The following TTN variants were observed in gnomAD, a reference collection of about 807,000 sequenced individuals.
TTN encodes the protein connectin.
Under a neutral mutation model 3,223.0 loss-of-function variants are expected in TTN, and 1,525 were observed. The observed-to-expected ratio is 0.47, with a 90% CI of 0.45 to 0.49. TTN has a LOEUF of 0.49. Among genes scored for constraint, TTN ranks in the 20% least tolerant of loss-of-function variants. The pLI is 0.00. For synonymous variants in TTN, 14,094 were observed against 15,161.0 expected, an observed-to-expected ratio of 0.93 and a Z score of 5.17; for missense variants, 40,786 against 43,424.0, an observed-to-expected ratio of 0.94 and a Z score of 5.40.
rs751581732 is a variant in TTN at position 178,528,695 on chromosome 2, C to T, written c.107056G>A (p.Val35686Ile). 3.6e-5 allele frequency: 58 copies of T among 1,613,320 alleles called. No homozygotes were observed. Among genetic ancestry groups the T allele is most frequent in the East Asian group, 1.3e-4 (6 of 44,878 alleles). ...AGTGTCAAATCATACTGACACTTGA[C>T]GATTCCTTCCTTGGTTTTGCTTATG... ...TCISKTKEGI[V>I]KCQYDLTLSK... The change falls in exon 360 of 363, where the codon GTC becomes ATC. Residue 35686 changes from valine (V) to isoleucine (I), a missense_variant. Coordinates refer to ENST00000589042, the MANE Select transcript of TTN (RefSeq NM_001267550.2).
rs148072021 is a variant in TTN at position 178,724,116 on chromosome 2, C to T, written c.21143G>A (p.Arg7048Gln). The T allele has an allele frequency of 6.2e-6, 10 of 1,612,170 alleles. No homozygotes were observed. The highest frequency in any genetic ancestry group is 1.7e-4 in the Middle Eastern group (1 of 6,048). Residue 7048 changes from arginine to glutamine, a missense_variant, in exon 73 of 363, where the codon CGA (arginine) becomes CAA (glutamine). Arg to Gln is a conservative substitution (Grantham distance 43). Coordinates refer to ENST00000589042, the MANE Select transcript of TTN (RefSeq NM_001267550.2). ...CACCCCACCAGTATTTTTCAGTCTTCGTGTGAAAGAGGGAGGAACTGCTCG... is the reference window on the plus strand; with the variant it reads ...CACCCCACCAGTATTTTTCAGTCTTTGTGTGAAAGAGGGAGGAACTGCTCG... ...SDRAVPPSFTRRLKNTGGVLG... is the reference protein window; with the variant it reads ...SDRAVPPSFTQRLKNTGGVLG...
In TTN at chr2:178,568,272, T is replaced by G. The variant is rs776215265; in HGVS notation, c.77860A>C (p.Lys25954Gln). The G allele has an allele frequency of 6.2e-7, 1 of 1,613,554 alleles. No homozygotes were observed. The highest frequency in any genetic ancestry group is 1.1e-5 in the South Asian group (1 of 91,080). ...TGGTATTCTGTACCAGTTTTCAGTT[T>G]GGTCACTTTGAGTGTAGTTCTAGCA... ...TVARTTLKVT[K>Q]LKTGTEYQFR... The change falls in exon 326 of 363, where the codon AAA becomes CAA. Residue 25954 changes from lysine (K) to glutamine (Q), a missense_variant. By Grantham distance (53) the Lys-to-Gln change is moderately conservative. Coordinates refer to ENST00000589042, the MANE Select transcript of TTN (RefSeq NM_001267550.2).
rs766366983 is a variant in TTN, at chr2:178,607,830, C to T, written c.52957G>A (p.Gly17653Arg). 1 of 1,613,008 alleles carries T rather than the reference C, an allele frequency of 6.2e-7. No individual in the cohort carries two copies. The highest frequency in any genetic ancestry group is 1.1e-5 in the South Asian group (1 of 91,056). The change falls in exon 276 of 363, where the codon GGA becomes AGA. Residue 17653 changes from glycine (G) to arginine (R), a missense_variant. Transcript: ENST00000589042. ...RVSAVNAAGE[G>R]PPGETQPVTV... Reference sequence around the variant, plus strand: ...ACAGGTTGTGTTTCTCCAGGCGGTCCTTCCCCTGCGGCATTGACAGCACTC... The same window carrying T: ...ACAGGTTGTGTTTCTCCAGGCGGTCTTTCCCCTGCGGCATTGACAGCACTC...
In TTN at chr2:178,636,020, T is replaced by C. The variant is rs1346163990; in HGVS notation, c.41551A>G (p.Thr13851Ala). 6.2e-7 allele frequency: 1 copy of C among 1,612,858 alleles called. No individual in the cohort carries two copies. Among genetic ancestry groups the C allele is most frequent in the African/African-American group, 1.3e-5 (1 of 74,882 alleles). Reference protein sequence around the residue: ...DADDTDAGTYTVTVENANNLE... With the variant: ...DADDTDAGTYAVTVENANNLE... ...TTGTTGGCGTTTTCCACAGTAACTG[T>C]GTATGTTCCAGCATCTGTGTCATCT... Residue 13851 changes from threonine (T) to alanine (A), a missense_variant, in exon 226 of 363, where the codon ACA becomes GCA. By Grantham distance (58) the Thr-to-Ala change is moderately conservative. Coordinates refer to ENST00000589042, the MANE Select transcript of TTN (RefSeq NM_001267550.2). This position sits in a 1 kb window ranked among gnomAD's most constrained non-coding sequence, Gnocchi z 4.3.
chr2:178,531,372 T>C lies in TTN; in HGVS notation c.105243A>G (p.Glu35081=). ...TTGTCTCCGTCATCTGTGATTTCACTTCCCTGACAGAAGACGAAGCTTCCA... is the reference window on the plus strand; with the variant it reads ...TTGTCTCCGTCATCTGTGATTTCACCTCCCTGACAGAAGACGAAGCTTCCA... ...SEMEASSSVR[E]VKSQMTETRE... Residue 35081 remains glutamate (E), a synonymous_variant, in exon 358 of 363, where the codon GAA becomes GAG. Transcript: ENST00000589042. 6.2e-7 allele frequency: 1 copy of C among 1,614,048 alleles called. No homozygotes were observed. Among genetic ancestry groups the C allele is most frequent in the African/African-American group, 1.3e-5 (1 of 75,058 alleles).
rs779940754 is a variant in TTN at position 178,616,835 on chromosome 2, G to A, written c.48054C>T (p.Ala16018=). Reference sequence around the variant, plus strand: ...GTTCACTTGGAGAAATGACAAGTTCGGCATAGGCAGACAAGGTCTTCATTT... The same window carrying A: ...GTTCACTTGGAGAAATGACAAGTTCAGCATAGGCAGACAAGGTCTTCATTT... ...RVKMKTLSAY[A]ELVISPSERS... The change falls in exon 256 of 363, where the codon GCC becomes GCT. Residue 16018 remains alanine (A), a synonymous_variant. Coordinates refer to ENST00000589042, the MANE Select transcript of TTN (RefSeq NM_001267550.2). 14 of 1,612,392 alleles carry A rather than the reference G, an allele frequency of 8.7e-6. No individual in the cohort carries two copies. The East Asian group carries it at 1.8e-4, about 21-fold the overall frequency.
rs1356962832 is a variant in TTN at position 178,732,152 on chromosome 2, A to G, written c.16817T>C (p.Val5606Ala). 2.5e-6 allele frequency: 4 copies of G among 1,613,790 alleles called. No individual in the cohort carries two copies. The highest frequency in any genetic ancestry group is 3.4e-6 in the Non-Finnish European group (4 of 1,179,752). ...ATATTCACCACTGTCTTCGATGCCAACATCTGTCAGTCTTAGAACTGCAGT... is the reference window on the plus strand; with the variant it reads ...ATATTCACCACTGTCTTCGATGCCAGCATCTGTCAGTCTTAGAACTGCAGT... ...ESTAVLRLTDVGIEDSGEYMC... is the reference protein window; with the variant it reads ...ESTAVLRLTDAGIEDSGEYMC... Residue 5606 changes from valine to alanine, a missense_variant, in exon 57 of 363, where the codon GTT becomes GCT. Physicochemically the swap from Val to Ala is moderately conservative, Grantham distance 64. Coordinates refer to ENST00000589042, the MANE Select transcript of TTN (RefSeq NM_001267550.2).
rs779274451 is a variant in TTN, at chr2:178,774,432, C to T, written c.6832G>A (p.Val2278Ile). 6.2e-7 allele frequency: 1 copy of T among 1,613,532 alleles called. No homozygotes were observed. The highest frequency in any genetic ancestry group is 1.1e-5 in the South Asian group (1 of 91,076). ...AATTCTCCTGAATATGATTCTGGAA[C>T]TTCTATGTCCTGAAGTTCTTTCACA... is the stretch of plus-strand genomic sequence containing the variant. ...EFVKELQDIE[V>I]PESYSGELEC... The change falls in exon 30 of 363, where the codon GTT (valine) becomes ATT (isoleucine). Residue 2278 changes from valine (V) to isoleucine (I), a missense_variant. By Grantham distance (29) the Val-to-Ile change is conservative (BLOSUM62 3). Transcript: ENST00000589042.
chr2:178,546,621 C>T lies in TTN; in HGVS notation c.94807G>A (p.Val31603Ile). 1 of 1,610,626 alleles carries T rather than the reference C, an allele frequency of 6.2e-7. No homozygotes were observed. Among genetic ancestry groups the T allele is most frequent in the South Asian group, 1.1e-5 (1 of 90,992 alleles). Residue 31603 changes from valine to isoleucine, a missense_variant, in exon 341 of 363, where the codon GTC (valine) becomes ATC (isoleucine). Val to Ile is a conservative substitution (Grantham distance 29). Coordinates refer to ENST00000589042, the MANE Select transcript of TTN (RefSeq NM_001267550.2). ...CTACCGTATTCATCTCGGCAAGTGA[C>T]AGGGCCTGTAGATTCAGACCCTTTG... is the stretch of plus-strand genomic sequence containing the variant. ...ISKGSESTGP[V>I]TCRDEYAPPK... is the part of the protein sequence containing the mutation.
chr2:178,603,350 T>C (rs1416487242), intron 282 of TTN, among the ~76,000 whole-genome samples: 2 of 152,038 alleles, frequency 1.3e-5, no homozygotes, highest in Non-Finnish European at 2.9e-5. Flanking sequence ...ATGGCCACAG[T>C]ATTTTTTAAT....
chr2:178,695,061 G>T (rs1560448221), intron 115 of TTN, among the ~76,000 whole-genome samples, 155 bp from the exon 116 acceptor site: 1 of 150,134 alleles, frequency 6.7e-6, no homozygotes, highest in African/African-American at 2.4e-5. Context: ...GATGAGTTCG[G>T]TTTTTTTTTC....
intron 22 of TTN, among the ~76,000 whole-genome samples, 194 bp from the exon 23 acceptor site, chr2:178,779,656 T>A (rs904674053): frequency 6.6e-6 from 1 of 152,206 alleles, no homozygotes; most frequent in African/African-American, 2.4e-5. Flanking sequence ...GGTAGAAAGG[T>A]ATTCCAAAAG....
At chr2:178,701,633 A>G in intron 109 of TTN, 46 bp from the exon 110 acceptor site, 5 of 1,577,976 alleles carry the variant, frequency 3.2e-6, no homozygotes, top group Non-Finnish European at 4.3e-6. Context: ...AGAACAAGCT[A>G]TTTATTAGAA....
chr2:178,665,650 C>G, intron 164 of TTN, 58 bp downstream of exon 164: 1 of 1,290,112 alleles, frequency 7.8e-7, no homozygotes, highest in South Asian at 1.8e-5. Flanking sequence ...TTCCCTAGCA[C>G]CCTGTACATG....
Position 178,676,013 on chromosome 2 carries a change from C to A in TTN, c.34379-18G>T, listed in dbSNP as rs1421166232. On this transcript the variant is annotated intron_variant, in intron 147 of 362. Transcript: ENST00000589042. ...TTCAGGCACTTTAAAGACATCATTT[C>A]ATGATAAGGATTTATTTTGAAGGAC... is the stretch of plus-strand genomic sequence containing the variant. 1 of 1,579,520 alleles carries A rather than the reference C, an allele frequency of 6.3e-7. No homozygotes were observed. Among genetic ancestry groups the A allele is most frequent in the South Asian group, 1.2e-5 (1 of 86,360 alleles).
chr2:178,562,085 G>A lies in TTN; in HGVS notation c.84047C>T (p.Thr28016Ile), dbSNP rs748757133. The A allele has an allele frequency of 3.1e-6, 5 of 1,613,156 alleles. No individual in the cohort carries two copies. The East Asian group carries it at 1.1e-4, about 36-fold the overall frequency. Residue 28016 changes from threonine to isoleucine, a missense_variant, in exon 326 of 363, where the codon ACT becomes ATT. Coordinates refer to ENST00000589042, the MANE Select transcript of TTN (RefSeq NM_001267550.2). ...TTRVNVSSSK[T>I]VTSLSIKEAS... Reference sequence around the variant, plus strand: ...TTCCTTAATAGATAGTGATGTTACAGTCTTTGAAGAAGAAACATTGACTCT... The same window carrying A: ...TTCCTTAATAGATAGTGATGTTACAATCTTTGAAGAAGAAACATTGACTCT...
In TTN at chr2:178,569,758, TG is replaced by T. The variant is rs869025553; in HGVS notation, c.76373del (p.Pro25458GlnfsTer9). On this transcript the variant is annotated frameshift_variant, in exon 326 of 363. Transcript: ENST00000589042. LOFTEE classifies it high-confidence loss of function. ...CTATGTTTGTTTTATTAATTCCTGT[TG>T]GTGGAGTGCACATTGTCCATTCACC... is the stretch of plus-strand genomic sequence containing the variant. Reference protein sequence around the residue: ...SVGEWTMCTPPTGINKTNIEV... With the variant: ...SVGEWTMCTPXTGINKTNIEV... The T allele has an allele frequency of 6.2e-7, 1 of 1,613,302 alleles. No homozygotes were observed.
chr2:178,644,761 C>G, intron 217 of TTN, 145 bp from the exon 218 acceptor site: 1 of 572,782 alleles, frequency 1.7e-6, no homozygotes, highest in Non-Finnish European at 2.9e-6. Context: ...AAAGAACATA[C>G]AAGCAGCATT....
At position 178,740,143 on chromosome 2, in the gene TTN, C is replaced by G. The variant is rs201506104; in HGVS notation, c.13090G>C (p.Val4364Leu). The part of the protein sequence containing the change: ...DQIIESKREP[V>L]AIKKVQEVQG... Reference sequence around the variant, plus strand: ...ACCTCCTGCACTTTCTTTATTGCCACGGGCTCTCTTTTAGACTCAATGATT... The same window carrying G: ...ACCTCCTGCACTTTCTTTATTGCCAGGGGCTCTCTTTTAGACTCAATGATT... Residue 4364 changes from valine (V) to leucine (L), a missense_variant, in exon 48 of 363, where the codon GTG becomes CTG. Coordinates refer to ENST00000589042, the MANE Select transcript of TTN (RefSeq NM_001267550.2). The G allele has an allele frequency of 6.2e-7, 1 of 1,613,670 alleles. No homozygotes were observed. Among genetic ancestry groups the G allele is most frequent in the Non-Finnish European group, 8.5e-7 (1 of 1,179,814 alleles).
Sources: allele counts gnomAD v4.1 joint callset (sites outside exome capture counted in the v4.1 genomes callset), GRCh38; gene constraint gnomAD v4.1.1; non-coding constraint Gnocchi (gnomAD v3.1); transcripts MANE v1.5; gene names NCBI Gene and HGNC (gene_info 2026-07-23, HGNC 2026-07-21).